The following ATP8A2 variants were observed in gnomAD, a reference collection of about 807,000 sequenced individuals.
ATP8A2 encodes ATPase phospholipid transporting 8A2, also known as phospholipid-transporting ATPase IB.
ATP8A2 carries 100 observed loss-of-function variants against 165.6 expected under a neutral mutation model. The ratio of observed to expected loss-of-function variants is 0.60; its 90% CI spans 0.51 to 0.71. The LOEUF (loss-of-function observed/expected upper bound fraction) is 0.71, where lower values mean the gene tolerates loss of function less well. ATP8A2 is among the 30% of genes least tolerant of loss of function. The probability of loss-of-function intolerance (pLI) is 0.00; values close to 1 mark genes in which losing one functional copy is unlikely to be tolerated. For missense variants in ATP8A2, 1,227 were observed against 1,479.5 expected, an observed-to-expected ratio of 0.83 and a Z score of 2.80; for synonymous variants, 543 against 548.8, an observed-to-expected ratio of 0.99 and a Z score of 0.15.
intron 35 of ATP8A2, among the ~76,000 whole-genome samples, chr13:26,010,121 C>G (rs1023451170): frequency 2.0e-5 from 3 of 152,174 alleles, no homozygotes; most frequent in African/African-American, 7.2e-5. Flanking sequence ...AAGCATTCAC[C>G]ACTCTAGGCG....
chr13:25,851,970 G>A (rs1456811360), intron 30 of ATP8A2, among the ~76,000 whole-genome samples: 1 of 152,172 alleles, frequency 6.6e-6, no homozygotes, highest in Non-Finnish European at 1.5e-5. Flanking sequence ...AGTTTCCTGA[G>A]TAGCTGGGAT....
intron 24 of ATP8A2, among the ~76,000 whole-genome samples, chr13:25,604,207 T>C: frequency 6.6e-6 from 1 of 152,272 alleles, no homozygotes; most frequent in South Asian, 2.1e-4. Flanking sequence ...GGAAACCAAC[T>C]GGAACAAAGT....
intron 15 of ATP8A2, among the ~76,000 whole-genome samples, chr13:25,562,462 T>G (rs974285829): frequency 6.6e-6 from 1 of 152,168 alleles, no homozygotes; most frequent in Admixed American, 6.5e-5. Context: ...GGGGCCACTG[T>G]GGTTGATGAC....
At chr13:25,676,442 G>C (rs545002282) in intron 24 of ATP8A2, among the ~76,000 whole-genome samples, 1 of 152,108 alleles carries the variant, frequency 6.6e-6, no homozygotes, top group Non-Finnish European at 1.5e-5. Flanking sequence ...CATCTCAGGG[G>C]TCTGCAGAAG....
At chr13:25,825,516 A>C (rs1233518001) in intron 27 of ATP8A2, among the ~76,000 whole-genome samples, 1 of 152,036 alleles carries the variant, frequency 6.6e-6, no homozygotes, top group Non-Finnish European at 1.5e-5. Flanking sequence ...CAACATGTTA[A>C]CTGGATTTTG....
At chr13:25,521,317 C>A (rs1312435944) in intron 2 of ATP8A2, among the ~76,000 whole-genome samples, 1 of 151,980 alleles carries the variant, frequency 6.6e-6, no homozygotes, top group Non-Finnish European at 1.5e-5. Flanking sequence ...AGTATTTTCT[C>A]CCATTCTCTG....
intron 33 of ATP8A2, among the ~76,000 whole-genome samples, chr13:25,879,930 T>C (rs1414807568): frequency 6.6e-6 from 1 of 152,236 alleles, no homozygotes; most frequent in East Asian, 1.9e-4. Context: ...GAAATTAAAC[T>C]TTTTTGAAAA....
intron 33 of ATP8A2, among the ~76,000 whole-genome samples, chr13:25,895,795 T>G (rs986463280): frequency 2.6e-5 from 4 of 152,362 alleles, no homozygotes; most frequent in Admixed American, 2.6e-4. Context: ...TATCCATTTC[T>G]TCTAGATTTT....
intron 11 of ATP8A2, 65 bp from the exon 12 acceptor site, chr13:25,553,728 T>C: frequency 6.7e-7 from 1 of 1,502,584 alleles, no homozygotes; most frequent in Non-Finnish European, 9.0e-7. Flanking sequence ...TTAACATGAA[T>C]CTCTAAATGA....
chr13:25,546,997 G>A (rs1025509802), intron 10 of ATP8A2, among the ~76,000 whole-genome samples: 1 of 152,000 alleles, frequency 6.6e-6, no homozygotes, highest in African/African-American at 2.4e-5. Flanking sequence ...GGGCATGGTG[G>A]TGCATGCCTG....
chr13:25,685,599 C>T (rs1260309014), intron 24 of ATP8A2, among the ~76,000 whole-genome samples: 1 of 152,154 alleles, frequency 6.6e-6, no homozygotes, highest in East Asian at 1.9e-4. Flanking sequence ...GGAGGGCCTC[C>T]CTAAGAAGCC....
chr13:25,793,901 T>G (rs967632457), intron 27 of ATP8A2, among the ~76,000 whole-genome samples: 1 of 152,210 alleles, frequency 6.6e-6, no homozygotes, highest in Admixed American at 6.5e-5. Flanking sequence ...TAGCTGAGAT[T>G]GTCATTTGAA....
chr13:25,402,706 G>T (rs191916699), intron 1 of ATP8A2, among the ~76,000 whole-genome samples: 46 of 152,286 alleles, frequency 3.0e-4, no homozygotes, highest in African/African-American at 1.0e-3. Context: ...TTTAGGAGAT[G>T]ATTTGGCCCT....
At chr13:26,012,163 C>A (rs564711339) in intron 35 of ATP8A2, among the ~76,000 whole-genome samples, 1 of 152,316 alleles carries the variant, frequency 6.6e-6, no homozygotes, top group African/African-American at 2.4e-5. Flanking sequence ...GGGGCTCTCA[C>A]CCCGTGCAGG....
intron 25 of ATP8A2, among the ~76,000 whole-genome samples, chr13:25,730,915 A>G (rs968268026): frequency 1.3e-5 from 2 of 151,944 alleles, no homozygotes; most frequent in Middle Eastern, 3.2e-3. Flanking sequence ...TCTCTACAAA[A>G]ACTCAAAAAA....
chr13:25,578,463 A>G (rs955040510), intron 20 of ATP8A2, among the ~76,000 whole-genome samples: 1 of 152,142 alleles, frequency 6.6e-6, no homozygotes, highest in Non-Finnish European at 1.5e-5. Context: ...TGGGATGTGC[A>G]TTTTACCCTT....
intron 27 of ATP8A2, among the ~76,000 whole-genome samples, chr13:25,796,192 G>T (rs1276891774): frequency 2.0e-5 from 3 of 152,268 alleles, no homozygotes; most frequent in African/African-American, 4.8e-5. Flanking sequence ...CAGGTGATCT[G>T]CCTACTTTGG....
At chr13:25,798,516 TA>T (rs11344568) in intron 27 of ATP8A2, among the ~76,000 whole-genome samples, 26,275 of 152,030 alleles carry the variant, frequency 0.17, 2,395 homozygotes, top group Admixed American at 0.23. Context: ...AGATGGCTTT[TA>T]AAAAAAAGTA....
intron 1 of ATP8A2, among the ~76,000 whole-genome samples, chr13:25,446,316 T>C (rs1480426689): frequency 1.3e-5 from 2 of 152,210 alleles, no homozygotes; most frequent in Non-Finnish European, 2.9e-5. Context: ...TTACCACTTA[T>C]CTTTCACCTA....
Sources: allele counts gnomAD v4.1 joint callset (sites outside exome capture counted in the v4.1 genomes callset), GRCh38; gene constraint gnomAD v4.1.1; transcripts MANE v1.5; gene names NCBI Gene and HGNC (gene_info 2026-07-23, HGNC 2026-07-21).